Variants in SMARCD3 observed in about 807,000 individuals in gnomAD.
SMARCD3 encodes SWI/SNF related BAF chromatin remodeling complex subunit D3.
Under a neutral mutation model 58.0 loss-of-function variants are expected in SMARCD3, and 14 were observed. The observed-to-expected ratio is 0.24, with a 90% confidence interval of 0.16 to 0.38. SMARCD3 has a LOEUF of 0.38. Ranked by LOEUF, SMARCD3 falls within the 10% of genes least tolerant of loss-of-function variation. The pLI is 1.00. For missense variants in SMARCD3, 408 were observed against 636.9 expected (o/e 0.64, Z 3.87); for synonymous variants, 253 against 253.8 (o/e 1.00, Z 0.03).
intron 2 of SMARCD3, among the ~76,000 whole-genome samples, chr7:151,271,232 A>G (rs1795166496): frequency 6.6e-6 from 1 of 152,140 alleles, no homozygotes; most frequent in Non-Finnish European, 1.5e-5. Context: ...GGTGGGGTGA[A>G]GGTGCTGAAG....
rs1802803918 is a variant in SMARCD3, at chr7:151,238,977, A to G, written c.*126T>C. The G allele has an allele frequency of 8.8e-7, 1 of 1,131,124 alleles. No homozygotes were observed. The highest frequency in any genetic ancestry group is 1.3e-6 in the Non-Finnish European group (1 of 750,864). 70.1% of individuals were successfully genotyped at this position (1,131,124 alleles called of 1,614,324 possible). ...TTCCAATGACCACACGGCTGCTGTCAGATGAATGACTTTTAATCCAGCCCC... is the reference window on the plus strand; with the variant it reads ...TTCCAATGACCACACGGCTGCTGTCGGATGAATGACTTTTAATCCAGCCCC... On this transcript the variant is annotated 3_prime_UTR_variant, in exon 13 of 13. Transcript: ENST00000262188.
At chr7:151,267,159 G>A (rs1412012706) in intron 2 of SMARCD3, among the ~76,000 whole-genome samples, 1 of 152,144 alleles carries the variant, frequency 6.6e-6, no homozygotes, top group African/African-American at 2.4e-5. Flanking sequence ...AAAGATATAG[G>A]GAAACACTTT....
intron 1 of SMARCD3, chr7:151,275,263 G>T: frequency 1.1e-6 from 1 of 915,630 alleles, no homozygotes; most frequent in Non-Finnish European, 1.8e-6. Flanking sequence ...TGAAAGGAGA[G>T]GTCAGACCCT....
rs1296379577 is a variant in SMARCD3 at position 151,243,177 on chromosome 7, T to TCC, written c.334-336_334-335dup. ...GTCCATATCATATGCCTGCTGGGCT[T>TCC]CCCCTGGGCCCCTGCAAAGTGCCTA... On this transcript the variant is annotated intron_variant, in intron 3 of 12. Transcript: ENST00000262188. This position sits in a 1 kb window ranked among gnomAD's most constrained non-coding sequence, Gnocchi z 4.4. Among the ~76,000 whole-genome samples, 1 of 152,160 alleles carries TCC rather than the reference T, an allele frequency of 6.6e-6. No individual in the cohort carries two copies. Among genetic ancestry groups the TCC allele is most frequent in the Admixed American group, 6.5e-5 (1 of 15,280 alleles).
At chr7:151,240,646 A>T in intron 8 of SMARCD3, 124 bp from the exon 9 acceptor site, 276 of 494,482 alleles carry the variant, frequency 5.6e-4, no homozygotes, top group East Asian at 1.3e-3. Context: ...CTCAGTGCGC[A>T]TGGGGATGGG....
At chr7:151,274,307 C>T (rs754571277) in intron 2 of SMARCD3, among the ~76,000 whole-genome samples, 4 of 152,218 alleles carry the variant, frequency 2.6e-5, no homozygotes, top group South Asian at 2.1e-4. Context: ...ACTTCAGTTC[C>T]GACCCCTTAC....
At chr7:151,240,694 T>G in intron 8 of SMARCD3, 172 bp from the exon 9 acceptor site, 37 of 502,164 alleles carry the variant, frequency 7.4e-5, no homozygotes, top group Middle Eastern at 4.0e-4. Flanking sequence ...GCCACCGGTA[T>G]GGCTGACAAG....
rs531096302 is a variant in SMARCD3, at chr7:151,260,615, C to T, written c.39+14499G>A. ...TACACACCTGAATCCCATGGTGACACGCCACCCCGCCCCCTACCTGGACCT... is the reference window on the plus strand; with the variant it reads ...TACACACCTGAATCCCATGGTGACATGCCACCCCGCCCCCTACCTGGACCT... On this transcript the variant is annotated intron_variant, in intron 2 of 13. Coordinates refer to the SMARCD3 transcript ENST00000356800. 2.1e-3 allele frequency among the ~76,000 whole-genome samples: 323 copies of T among 152,306 alleles called. 1 individual carries two copies. The highest frequency in any genetic ancestry group is 6.9e-3 in the African/African-American group (287 of 41,562).
At chr7:151,260,111 AG>A (rs1443647285) in intron 2 of SMARCD3, among the ~76,000 whole-genome samples, 1 of 152,206 alleles carries the variant, frequency 6.6e-6, no homozygotes, top group Non-Finnish European at 1.5e-5. Flanking sequence ...GTGCTATCAC[AG>A]GGTGGGGCTA....
rs1164501626 is a variant in SMARCD3 at position 151,266,998 on chromosome 7, C to T, written c.39+8116G>A. Among the ~76,000 whole-genome samples, 7 of 152,304 alleles carry T rather than the reference C, an allele frequency of 4.6e-5. No individual in the cohort carries two copies. In the East Asian group the frequency reaches 7.7e-4, roughly 17 times the overall value. ...AAAGCGCTGGGATTACAGGCCCAGC[C>T]ACTGCACCCAGCTGGTGGTATTTAT... On this transcript the variant is annotated intron_variant, in intron 2 of 13. Coordinates refer to the SMARCD3 transcript ENST00000356800.
chr7:151,257,703 C>A (rs1803746507), intron 2 of SMARCD3, among the ~76,000 whole-genome samples: 1 of 152,176 alleles, frequency 6.6e-6, no homozygotes, highest in Non-Finnish European at 1.5e-5. Context: ...TGACCTCTTG[C>A]CTCCCGGGTT....
intron 1 of SMARCD3, chr7:151,275,267 A>G: frequency 1.1e-6 from 1 of 891,948 alleles, no homozygotes; most frequent in Non-Finnish European, 1.8e-6. Context: ...AGGAGAGGTC[A>G]GACCCTGAGC....
intron 2 of SMARCD3, among the ~76,000 whole-genome samples, chr7:151,267,662 A>T (rs914797142): frequency 2.6e-5 from 4 of 152,174 alleles, no homozygotes; most frequent in Admixed American, 2.0e-4. Context: ...TTATAATTTC[A>T]TTGTTGACAA....
intron 2 of SMARCD3, among the ~76,000 whole-genome samples, chr7:151,261,744 C>T (rs1584891122): frequency 6.6e-6 from 1 of 152,180 alleles, no homozygotes; most frequent in African/African-American, 2.4e-5. Flanking sequence ...TAGGGTGGGG[C>T]GCAGTGGAAC....
At chr7:151,258,157 C>T (rs1051209347) in intron 2 of SMARCD3, among the ~76,000 whole-genome samples, 2 of 152,160 alleles carry the variant, frequency 1.3e-5, no homozygotes, top group Non-Finnish European at 2.9e-5. Flanking sequence ...CAGCAGCCCA[C>T]TGCTTCTCAC....
chr7:151,257,022 T>C (rs549691730), intron 2 of SMARCD3, among the ~76,000 whole-genome samples: 1 of 152,260 alleles, frequency 6.6e-6, no homozygotes, highest in East Asian at 1.9e-4. Flanking sequence ...TACTGTTACA[T>C]CCCCATTGGA....
chr7:151,255,059 C>T (rs541327861), intron 2 of SMARCD3, among the ~76,000 whole-genome samples: 303 of 152,284 alleles, frequency 2.0e-3, no homozygotes, highest in Non-Finnish European at 3.6e-3. Context: ...CCACTCTGCA[C>T]CACGGGGCCA....
chr7:151,251,799 T>C (rs940352804), upstream of SMARCD3, among the ~76,000 whole-genome samples: 5 of 150,664 alleles, frequency 3.3e-5, no homozygotes, highest in African/African-American at 9.7e-5. Context: ...CAGCACCAAA[T>C]GGCAAAGCGC....
chr7:151,242,773 G>A lies in SMARCD3; in HGVS notation c.404C>T (p.Thr135Ile). ...LLAFERKLDQ[T>I]IMRKRVDIQE... ...GATGTCCACCCGCTTCCGCATGATGGTTTGATCCAGTTTCCTCTCAAATGC... is the reference window on the plus strand; with the variant it reads ...GATGTCCACCCGCTTCCGCATGATGATTTGATCCAGTTTCCTCTCAAATGC... Residue 135 changes from threonine to isoleucine, a missense_variant, in exon 4 of 13, where the codon ACC (threonine) becomes ATC (isoleucine). By Grantham distance (89) the Thr-to-Ile change is moderately conservative (BLOSUM62 -1). Coordinates refer to ENST00000262188, the MANE Select transcript of SMARCD3 (RefSeq NM_001003801.2). This position sits in a 1 kb window ranked among gnomAD's most constrained non-coding sequence, Gnocchi z 4.7. The A allele has an allele frequency of 6.2e-7, 1 of 1,614,140 alleles. No individual in the cohort carries two copies. Among genetic ancestry groups the A allele is most frequent in the Non-Finnish European group, 8.5e-7 (1 of 1,180,002 alleles).
Sources: gnomAD v4.1 joint callset for allele counts (sites outside exome capture counted in the v4.1 genomes callset) on GRCh38, gnomAD v4.1.1 for gene constraint, Gnocchi (gnomAD v3.1) non-coding constraint, MANE v1.5 for transcripts, NCBI Gene and HGNC (gene_info 2026-07-23, HGNC 2026-07-21) for gene names.